COP1: variants seen among roughly 807,000 people sequenced by gnomAD.
The protein encoded by COP1 is COP1 E3 ubiquitin ligase.
COP1 carries 24 observed loss-of-function variants against 101.3 expected under a neutral mutation model. The observed-to-expected ratio is 0.24, with a 90% CI of 0.17 to 0.33. The LOEUF (loss-of-function observed/expected upper bound fraction) is 0.33. Among genes scored for constraint, COP1 ranks in the 10% least tolerant of loss-of-function variants. The probability of loss-of-function intolerance (pLI) is 1.00; values close to 1 mark genes in which losing one functional copy is unlikely to be tolerated. For synonymous variants in COP1, 347 were observed against 341.9 expected, an observed-to-expected ratio of 1.01 and a Z score of -0.17; for missense variants, 663 against 906.2, an observed-to-expected ratio of 0.73 and a Z score of 3.45.
At chr1:176,011,966 T>C (rs780324330) in intron 15 of COP1, among the ~76,000 whole-genome samples, 4 of 152,236 alleles carry the variant, frequency 2.6e-5, no homozygotes, top group Non-Finnish European at 2.9e-5. Context: ...GTATTTACTG[T>C]ACTTTTTAAT....
At chr1:176,160,313 T>C in intron 5 of COP1, 1 of 375,590 alleles carries the variant, frequency 2.7e-6, no homozygotes. Context: ...GAGTGCAGAA[T>C]GTGTAGGTTT....
chr1:176,131,102 G>C (rs1252692232), intron 8 of COP1, among the ~76,000 whole-genome samples: 3 of 151,736 alleles, frequency 2.0e-5, no homozygotes, highest in African/African-American at 7.3e-5. Flanking sequence ...TGCTTTGAGA[G>C]TTACATACAA....
At chr1:176,103,603 C>T (rs2502837) in intron 9 of COP1, among the ~76,000 whole-genome samples, 140,132 of 152,238 alleles carry the variant, frequency 0.92, 65,326 homozygotes, top group East Asian at 1. Context: ...CTTTTGAGCA[C>T]CATATCACAG....
At chr1:176,204,822 G>C (rs1700658502) in intron 1 of COP1, among the ~76,000 whole-genome samples, 1 of 152,162 alleles carries the variant, frequency 6.6e-6, no homozygotes, top group African/African-American at 2.4e-5. Flanking sequence ...CTACTACTCG[G>C]GAGGCTGAGG....
At chr1:176,179,251 T>C (rs936930040) in intron 2 of COP1, among the ~76,000 whole-genome samples, 88 of 149,866 alleles carry the variant, frequency 5.9e-4, no homozygotes, top group African/African-American at 2.0e-3. Flanking sequence ...GATCACGCCA[T>C]TGCACTCCAG....
intron 1 of COP1, among the ~76,000 whole-genome samples, chr1:176,192,293 A>C (rs1342195734): frequency 1.3e-5 from 2 of 152,160 alleles, no homozygotes; most frequent in Admixed American, 6.5e-5. Flanking sequence ...AGAAGATTTA[A>C]TTCGTCTTGT....
chr1:176,014,859 G>A (rs1235529762), intron 15 of COP1, among the ~76,000 whole-genome samples: 5 of 152,092 alleles, frequency 3.3e-5, no homozygotes, highest in Non-Finnish European at 5.9e-5. Context: ...TCTATTATGC[G>A]CAGTTGTAAG....
chr1:175,962,546 G>A (rs1651503369), intron 18 of COP1, among the ~76,000 whole-genome samples: 1 of 151,992 alleles, frequency 6.6e-6, no homozygotes, highest in African/African-American at 2.4e-5. Context: ...TTCATTGGGG[G>A]TTTTCTTTCT....
chr1:175,970,988 AGAAGGG>A (rs1653124465), intron 18 of COP1, among the ~76,000 whole-genome samples: 1 of 152,218 alleles, frequency 6.6e-6, no homozygotes, highest in Non-Finnish European at 1.5e-5. Context: ...GTAAATCGAG[AGAAGGG>A]GAAGGGGAAG....
rs145627602 is a variant in COP1 at position 176,028,422 on chromosome 1, G to A, written c.1613-734C>T. Among the ~76,000 whole-genome samples, 788 of 151,158 alleles carry A rather than the reference G, an allele frequency of 5.2e-3. 5 individuals are homozygous for A. The highest frequency in any genetic ancestry group is 0.018 in the African/African-American group (753 of 41,182). ...TCTACTAAAAATACAAAAGTTAGCT[G>A]GGCATGGTGGTGCAGGCCTGTAGTC... On this transcript the variant is annotated intron_variant, in intron 14 of 19. Coordinates refer to ENST00000367669, the MANE Select transcript of COP1 (RefSeq NM_022457.7).
intron 14 of COP1, among the ~76,000 whole-genome samples, chr1:176,034,582 A>C (rs985861321): frequency 6.6e-6 from 1 of 152,174 alleles, no homozygotes; most frequent in Non-Finnish European, 1.5e-5. Context: ...TTCTTGACAA[A>C]GTATCAGTAA....
At chr1:176,177,466 G>A (rs1230286733) in intron 2 of COP1, among the ~76,000 whole-genome samples, 2 of 151,824 alleles carry the variant, frequency 1.3e-5, no homozygotes, top group Non-Finnish European at 2.9e-5. Flanking sequence ...TCATATATGT[G>A]TACATTTAAA....
At chr1:175,960,810 A>C (rs1445682986) in intron 18 of COP1, among the ~76,000 whole-genome samples, 3 of 152,198 alleles carry the variant, frequency 2.0e-5, no homozygotes, top group African/African-American at 7.2e-5. Context: ...GGGTAATTTT[A>C]GGTTTCAACT....
chr1:176,099,501 A>C (rs2149493911), intron 9 of COP1, among the ~76,000 whole-genome samples: 1 of 112,392 alleles, frequency 8.9e-6, no homozygotes, highest in East Asian at 2.9e-4. Context: ...TTTGGAGCAT[A>C]TTTGTCTCTC....
rs566063888 is a variant in COP1, at chr1:176,181,639, G to C, written c.467+2994C>G. Among the ~76,000 whole-genome samples the C allele has an allele frequency of 7.0e-4, 106 of 152,046 alleles. 3 individuals carry two copies. The highest frequency in any genetic ancestry group is 2.5e-3 in the African/African-American group (103 of 41,486). Reference sequence around the variant, plus strand: ...GGGCGGATCACAAGGTCACGAGATCGAGACCATCCTGGCTAACATGGTGAA... The same window carrying C: ...GGGCGGATCACAAGGTCACGAGATCCAGACCATCCTGGCTAACATGGTGAA... On this transcript the variant is annotated intron_variant, in intron 2 of 19. Transcript: ENST00000367669.
intron 11 of COP1, among the ~76,000 whole-genome samples, chr1:176,064,923 T>C (rs905928750): frequency 1.3e-5 from 2 of 152,164 alleles, no homozygotes; most frequent in Admixed American, 6.6e-5. Flanking sequence ...ATGCCTGGCC[T>C]CCTTCCCTTT....
intron 18 of COP1, among the ~76,000 whole-genome samples, chr1:175,961,636 C>A (rs1440646377): frequency 7.2e-6 from 1 of 139,438 alleles, no homozygotes; most frequent in Non-Finnish European, 1.5e-5. Flanking sequence ...GTCAAGGCTG[C>A]AATGGGCCTG....
chr1:176,043,096 G>T, intron 14 of COP1, 90 bp downstream of exon 14: 1 of 775,968 alleles, frequency 1.3e-6, no homozygotes, highest in South Asian at 1.5e-5. Context: ...ACATGAGTTT[G>T]AGTAAATATT....
chr1:176,042,562 C>CAAA (rs1171580353), intron 14 of COP1, among the ~76,000 whole-genome samples: 3 of 53,092 alleles, frequency 5.7e-5, no homozygotes, highest in Non-Finnish European at 7.2e-5. Context: ...GAATCCGTCT[C>CAAA]AAAAAAAAAA....
Sources: gnomAD v4.1 joint callset for allele counts (sites outside exome capture counted in the v4.1 genomes callset) on GRCh38, gnomAD v4.1.1 for gene constraint, MANE v1.5 for transcripts, NCBI Gene and HGNC (gene_info 2026-07-23, HGNC 2026-07-21) for gene names.